Variants in AANAT observed in about 807,000 individuals in gnomAD.
AANAT encodes aralkylamine N-acetyltransferase, also known as serotonin N-acetyltransferase.
AANAT carries 11 observed loss-of-function variants against 15.6 expected under a neutral mutation model. The observed-to-expected ratio is 0.71, with a 90% CI of 0.44 to 1.17. The LOEUF (loss-of-function observed/expected upper bound fraction) is 1.17. Ranked by LOEUF, AANAT falls within the 50% of genes most tolerant of loss-of-function variation. The probability of loss-of-function intolerance (pLI) is 0.00; values close to 1 mark genes in which losing one functional copy is unlikely to be tolerated. For missense variants in AANAT, 286 were observed against 296.3 expected, an observed-to-expected ratio of 0.97 and a Z score of 0.26; for synonymous variants, 139 against 131.5, an observed-to-expected ratio of 1.06 and a Z score of -0.39.
upstream of AANAT, among the ~76,000 whole-genome samples, chr17:76,463,308 C>CTTTTTTTT (rs1248196129): frequency 1.5e-4 from 3 of 19,696 alleles, no homozygotes; most frequent in Non-Finnish European, 2.8e-4. Flanking sequence ...TGGAAGGATT[C>CTTTTTTTT]CTTTTTTTTT....
intron 1 of AANAT, among the ~76,000 whole-genome samples, chr17:76,457,961 G>A (rs902594758): frequency 5.9e-5 from 9 of 152,200 alleles, no homozygotes; most frequent in South Asian, 2.1e-4. Context: ...ACTTGAACCC[G>A]GGAGGCGGAG....
intron 1 of AANAT, 97 bp from the exon 2 acceptor site, chr17:76,468,575 C>T: frequency 8.9e-6 from 10 of 1,119,206 alleles, no homozygotes; most frequent in Non-Finnish European, 1.2e-5. Context: ...GCTGTCTCCA[C>T]CCCAGTTCCT....
chr17:76,466,109 T>C (rs746911016), upstream of AANAT: 8 of 1,407,930 alleles, frequency 5.7e-6, no homozygotes, highest in Non-Finnish European at 7.8e-6. Context: ...AGAGGCCGAT[T>C]GAACAGCAGG....
upstream of AANAT, among the ~76,000 whole-genome samples, chr17:76,463,278 C>A (rs929125951): frequency 6.7e-6 from 1 of 149,598 alleles, no homozygotes; most frequent in Non-Finnish European, 1.5e-5. Flanking sequence ...CATCTGGCCT[C>A]TCCACCCATT....
chr17:76,454,444 C>T (rs2073317335), intron 1 of AANAT, among the ~76,000 whole-genome samples: 1 of 151,504 alleles, frequency 6.6e-6, no homozygotes. Context: ...CAGATCGCGC[C>T]ACTGCACTCC....
upstream of AANAT, among the ~76,000 whole-genome samples, chr17:76,463,274 G>A (rs567722235): frequency 1.3e-5 from 2 of 148,540 alleles, no homozygotes; most frequent in African/African-American, 2.5e-5. Flanking sequence ...TCTGCATCTG[G>A]CCTCTCCACC....
intron 2 of AANAT, among the ~76,000 whole-genome samples, chr17:76,461,943 C>T (rs2073392642): frequency 6.6e-6 from 1 of 152,196 alleles, no homozygotes; most frequent in African/African-American, 2.4e-5. Flanking sequence ...CTTAATGAGT[C>T]AGCGATACAG....
upstream of AANAT, among the ~76,000 whole-genome samples, chr17:76,467,230 C>A (rs1186334899): frequency 1.3e-5 from 2 of 152,144 alleles, no homozygotes; most frequent in Non-Finnish European, 2.9e-5. Context: ...TTTAAATAAA[C>A]TTGAAGTAGA....
At chr17:76,454,336 A>G (rs2073316095) in intron 1 of AANAT, among the ~76,000 whole-genome samples, 1 of 149,638 alleles carries the variant, frequency 6.7e-6, no homozygotes, top group Non-Finnish European at 1.5e-5. Flanking sequence ...AAAAAAAAAA[A>G]TAGCTGGGCG....
rs1233797134 is a variant in AANAT at position 76,469,928 on chromosome 17, C to T, written c.582C>T (p.Ser194=). The T allele has an allele frequency of 2.6e-6, 4 of 1,543,798 alleles. No homozygotes were observed. In the South Asian group the frequency reaches 4.8e-5, roughly 18 times the overall value. The change falls in exon 4 of 4, where the codon TCC becomes TCT. Residue 194 remains serine (S), a synonymous_variant. Coordinates refer to ENST00000392492, the MANE Select transcript of AANAT (RefSeq NM_001088.3). The surrounding 1 kb of genome is among the most constrained non-coding windows in gnomAD (Gnocchi z 5.2). ...GSLTFMELHC[S]LRGHPFLRRN... ...TCACCTTCATGGAGCTCCACTGCTCCCTGCGGGGCCACCCCTTCCTGCGCA... is the reference window on the plus strand; with the variant it reads ...TCACCTTCATGGAGCTCCACTGCTCTCTGCGGGGCCACCCCTTCCTGCGCA...
intron 1 of AANAT, among the ~76,000 whole-genome samples, chr17:76,456,186 C>A (rs1425890364): frequency 1.3e-5 from 2 of 151,844 alleles, no homozygotes; most frequent in South Asian, 4.2e-4. Context: ...ACAAAATTAG[C>A]CAGGCATGGT....
intron 2 of AANAT, among the ~76,000 whole-genome samples, chr17:76,461,259 C>A (rs373795785): frequency 2.6e-5 from 4 of 152,170 alleles, no homozygotes; most frequent in African/African-American, 9.6e-5. Flanking sequence ...ACATTCTCAA[C>A]CCAGCCTCTG....
Position 76,469,734 on chromosome 17 carries a change from T to C in AANAT, c.388T>C (p.Phe130Leu). 1 of 1,559,374 alleles carries C rather than the reference T, an allele frequency of 6.4e-7. No homozygotes were observed. The highest frequency in any genetic ancestry group is 8.7e-7 in the Non-Finnish European group (1 of 1,151,636). Residue 130 changes from phenylalanine (F) to leucine (L), a missense_variant, in exon 4 of 4, where the codon TTC (phenylalanine) becomes CTC (leucine). Physicochemically the swap from Phe to Leu is conservative, Grantham distance 22. Transcript: ENST00000392492. The surrounding 1 kb of genome is among the most constrained non-coding windows in gnomAD (Gnocchi z 5.2). ...HLHVLAVHRA[F>L]RQQGRGPILL... ...GCATGTGCTGGCCGTGCACCGCGCC[T>C]TCCGGCAGCAGGGCAGGGGCCCCAT...
upstream of AANAT, chr17:76,466,101 A>C (rs1375652502): frequency 3.8e-6 from 5 of 1,324,676 alleles, no homozygotes; most frequent in Non-Finnish European, 5.2e-6. Flanking sequence ...GCAAAGAGAG[A>C]GGCCGATTGA....
chr17:76,462,790 A>G (rs1481638750), upstream of AANAT, among the ~76,000 whole-genome samples: 2 of 152,184 alleles, frequency 1.3e-5, no homozygotes, highest in African/African-American at 4.8e-5. Context: ...GAAAGTGACC[A>G]TCGAAACCAC....
At chr17:76,468,412 C>A (rs2073463319) in intron 1 of AANAT, among the ~76,000 whole-genome samples, 1 of 152,186 alleles carries the variant, frequency 6.6e-6, no homozygotes, top group Non-Finnish European at 1.5e-5. Context: ...CAGACGGCAC[C>A]CTGAGACCAA....
At chr17:76,457,128 C>T (rs546300351) in intron 1 of AANAT, among the ~76,000 whole-genome samples, 12 of 152,126 alleles carry the variant, frequency 7.9e-5, no homozygotes, top group Non-Finnish European at 1.6e-4. Context: ...CTGCAACCTC[C>T]GTCTCCCAGG....
intron 1 of AANAT, among the ~76,000 whole-genome samples, chr17:76,454,582 A>C (rs2073320239): frequency 6.6e-6 from 1 of 151,950 alleles, no homozygotes; most frequent in Non-Finnish European, 1.5e-5. Flanking sequence ...TGGGAGGCAG[A>C]AGCAGATGGA....
At position 76,469,557 on chromosome 17, in the gene AANAT, C is replaced by A; in HGVS notation, c.319-108C>A. The A allele has an allele frequency of 7.5e-7, 1 of 1,331,234 alleles. No individual in the cohort carries two copies. Among genetic ancestry groups the A allele is most frequent in the South Asian group, 1.5e-5 (1 of 64,918 alleles). The allele number at this position is 1,331,234 out of a possible 1,614,324, so 82.5% of individuals were successfully genotyped here. ...GCCCTCCTTTGCTGGGGTGGGTGCC[C>A]TGACCACAGGCACCCAGGGGACACC... is the stretch of plus-strand genomic sequence containing the variant. On this transcript the variant is annotated intron_variant, in intron 3 of 3. Transcript: ENST00000392492. The surrounding 1 kb of genome is among the most constrained non-coding windows in gnomAD (Gnocchi z 5.2).
Sources: allele counts gnomAD v4.1 joint callset (sites outside exome capture counted in the v4.1 genomes callset), GRCh38; gene constraint gnomAD v4.1.1; non-coding constraint Gnocchi (gnomAD v3.1); transcripts MANE v1.5; gene names NCBI Gene and HGNC (gene_info 2026-07-23, HGNC 2026-07-21).